The following IFFO1 variants were observed in gnomAD, a reference collection of about 807,000 sequenced individuals.
IFFO1 encodes non-homologous end joining factor IFFO1.
A neutral mutation model predicts 59.6 loss-of-function variants in IFFO1; 42 were observed. The ratio of observed to expected loss-of-function variants is 0.70; its 90% confidence interval spans 0.55 to 0.91. The LOEUF is 0.91. Ranked by LOEUF, IFFO1 falls within the 40% of genes least tolerant of loss-of-function variation. The probability of loss-of-function intolerance (pLI) is 0.00; values close to 1 mark genes in which losing one functional copy is unlikely to be tolerated. For missense variants in IFFO1, 711 were observed against 793.2 expected, an observed-to-expected ratio of 0.90 and a Z score of 1.24; for synonymous variants, 336 against 342.8, an observed-to-expected ratio of 0.98 and a Z score of 0.22.
intron 3 of IFFO1, chr12:6,550,423 G>A (rs1449253054): frequency 1.2e-5 from 6 of 519,652 alleles, no homozygotes; most frequent in African/African-American, 5.7e-5. Flanking sequence ...GCGCCCCGGC[G>A]CCAGCTGCAG....
At chr12:6,544,973 G>A (rs1946884392) in intron 8 of IFFO1, 1 of 152,212 alleles carries the variant, frequency 6.6e-6, no homozygotes, top group Admixed American at 6.5e-5. Context: ...CCAGCACTTT[G>A]GAAGGCCGAG....
chr12:6,548,807 GCCC>G lies in IFFO1; in HGVS notation c.1120_1122del (p.Gly374del), dbSNP rs750779916. On this transcript the variant is annotated inframe_deletion, in exon 6 of 10. Coordinates refer to ENST00000619571, the MANE Select transcript of IFFO1 (RefSeq NM_001193457.2). This position sits in a 1 kb window ranked among gnomAD's most constrained non-coding sequence, Gnocchi z 6.1. ...ACGGCAGCCTTGCGCTCCCGCTTCC[GCCC>G]CCCCATGGATGGGACCTTAATGGGA... 1 of 1,612,716 alleles carries G rather than the reference GCCC, an allele frequency of 6.2e-7. No homozygotes were observed. Among genetic ancestry groups the G allele is most frequent in the African/African-American group, 1.3e-5 (1 of 74,860 alleles).
intron 8 of IFFO1, among the ~76,000 whole-genome samples, chr12:6,547,658 G>A (rs1286259580): frequency 1.3e-5 from 2 of 150,448 alleles, no homozygotes; most frequent in Non-Finnish European, 3.0e-5. Flanking sequence ...GCAACAGAGT[G>A]AAACAGAGTG....
At chr12:6,545,608 G>A (rs1946917321) in intron 8 of IFFO1, among the ~76,000 whole-genome samples, 1 of 151,316 alleles carries the variant, frequency 6.6e-6, no homozygotes, top group Admixed American at 6.6e-5. Flanking sequence ...TGAGGCAGGA[G>A]AATGGCGTGA....
intron 8 of IFFO1, among the ~76,000 whole-genome samples, chr12:6,546,778 C>T (rs1170637420): frequency 6.6e-6 from 1 of 152,244 alleles, no homozygotes; most frequent in Non-Finnish European, 1.5e-5. Context: ...CGTGAGCCAC[C>T]GCGCCCGGCC....
At chr12:6,544,537 T>C (rs1199315920) in intron 8 of IFFO1, among the ~76,000 whole-genome samples, 1 of 152,226 alleles carries the variant, frequency 6.6e-6, no homozygotes, top group African/African-American at 2.4e-5. Context: ...TGTTTTACAC[T>C]GGGCACTTGA....
chr12:6,548,014 A>T lies in IFFO1; in HGVS notation c.1479+51T>A. ...ATGAGGCCACTGCGCCTGCAGCCCC[A>T]CTCAAAACCCTCTGGGACACCACGC... On this transcript the variant is annotated intron_variant, in intron 8 of 9. Transcript: ENST00000619571. This position sits in a 1 kb window ranked among gnomAD's most constrained non-coding sequence, Gnocchi z 6.1. 1 of 1,398,410 alleles carries T rather than the reference A, an allele frequency of 7.2e-7. No homozygotes were observed. The highest frequency in any genetic ancestry group is 2.3e-5 in the East Asian group (1 of 43,868). 86.6% of individuals were successfully genotyped at this position (1,398,410 alleles called of 1,614,324 possible).
At position 6,541,375 on chromosome 12, in the gene IFFO1, C is replaced by A; in HGVS notation, c.1610+137G>T. The A allele has an allele frequency of 8.9e-7, 1 of 1,121,504 alleles. No homozygotes were observed. The highest frequency in any genetic ancestry group is 2.5e-5 in the East Asian group (1 of 40,006). 69.5% of individuals were successfully genotyped at this position (1,121,504 alleles called of 1,614,324 possible). On this transcript the variant is annotated intron_variant, in intron 9 of 9. Coordinates refer to ENST00000619571, the MANE Select transcript of IFFO1 (RefSeq NM_001193457.2). This position sits in a 1 kb window ranked among gnomAD's most constrained non-coding sequence, Gnocchi z 4.8. Reference sequence around the variant, plus strand: ...AGAGAGCTGTGGGTCTGGGCCAGCCCCACCAGGTAACTCCCAAAGGGCAGC... The same window carrying A: ...AGAGAGCTGTGGGTCTGGGCCAGCCACACCAGGTAACTCCCAAAGGGCAGC...
chr12:6,550,866 G>A lies in IFFO1; in HGVS notation c.834+75C>T, dbSNP rs867564741. On this transcript the variant is annotated intron_variant, in intron 2 of 9. Coordinates refer to ENST00000619571, the MANE Select transcript of IFFO1 (RefSeq NM_001193457.2). ...AGATAAAGATGCCAAGGAGGGACAG[G>A]GAGACGGCAGCAGGGTCATGGGCAG... The A allele has an allele frequency of 2.2e-5, 36 of 1,602,644 alleles. No homozygotes were observed. In the African/African-American group the frequency reaches 4.3e-4, roughly 19 times the overall value.
intron 8 of IFFO1, among the ~76,000 whole-genome samples, chr12:6,547,596 C>G (rs772612986): frequency 6.6e-6 from 1 of 152,004 alleles, no homozygotes; most frequent in Non-Finnish European, 1.5e-5. Context: ...TGGCACACAC[C>G]TGTGGGCCCA....
intron 8 of IFFO1, among the ~76,000 whole-genome samples, chr12:6,547,629 G>C (rs1947023670): frequency 1.3e-5 from 2 of 151,924 alleles, no homozygotes; most frequent in African/African-American, 4.8e-5. Context: ...GCTGGGGTGG[G>C]AGGATCACTC....
downstream of IFFO1, chr12:6,538,967 T>C (rs1045395617): frequency 6.6e-6 from 1 of 152,234 alleles, no homozygotes; most frequent in African/African-American, 2.4e-5. Flanking sequence ...CCACCTCGCA[T>C]AGTTTTGAGG....
rs1179446037 is a variant in IFFO1, at chr12:6,555,152, T to C, written c.773+105A>G. 7 of 1,157,782 alleles carry C rather than the reference T, an allele frequency of 6.0e-6. No individual in the cohort carries two copies. Among genetic ancestry groups the C allele is most frequent in the Non-Finnish European group, 9.1e-6 (7 of 769,166 alleles). The allele number at this position is 1,157,782 out of a possible 1,614,324, so 71.7% of individuals were successfully genotyped here. On this transcript the variant is annotated intron_variant, in intron 1 of 9. Coordinates refer to ENST00000619571, the MANE Select transcript of IFFO1 (RefSeq NM_001193457.2). This position sits in a 1 kb window ranked among gnomAD's most constrained non-coding sequence, Gnocchi z 8.6. ...GCTCCTCATTACACAGCACAAACTT[T>C]ACTCTCATTCTTTTCACCCCTGATT...
In IFFO1 at chr12:6,551,690, T is replaced by A; in HGVS notation, c.774-689A>T. 8.0e-6 allele frequency: 3 copies of A among 376,292 alleles called. No individual in the cohort carries two copies. In the East Asian group the frequency reaches 2.2e-4, roughly 27 times the overall value. The allele number at this position is 376,292 out of a possible 1,614,324, so 23.3% of individuals were successfully genotyped here. A position where few individuals can be genotyped will look rare whatever the true frequency, so the allele number is the denominator to read the frequency against. The stretch of plus-strand genomic sequence containing the variant: ...CATGACAGCAGTGGACACACGAGCC[T>A]GGGGTTACTAGCACTCAAACCCAGA... On this transcript the variant is annotated intron_variant, in intron 1 of 9. Coordinates refer to ENST00000619571, the MANE Select transcript of IFFO1 (RefSeq NM_001193457.2).
chr12:6,545,570 C>T (rs1193595867), intron 8 of IFFO1, among the ~76,000 whole-genome samples: 2 of 151,864 alleles, frequency 1.3e-5, no homozygotes, highest in African/African-American at 2.4e-5. Flanking sequence ...TGATGGCGGG[C>T]GCCTGTAGTC....
At chr12:6,547,779 AGAAAG>A (rs200410481) in intron 8 of IFFO1, among the ~76,000 whole-genome samples, 1,950 of 151,444 alleles carry the variant, frequency 0.013, 16 homozygotes, top group Middle Eastern at 0.02. Flanking sequence ...AAGGAAGGAA[AGAAAG>A]GAAAGGAAAG....
intron 1 of IFFO1, among the ~76,000 whole-genome samples, chr12:6,554,257 C>T (rs1368928856): frequency 1.3e-5 from 2 of 152,146 alleles, no homozygotes; most frequent in East Asian, 3.8e-4. Flanking sequence ...CAGGCCCGCC[C>T]ACAAGGGGTC....
chr12:6,540,732 G>C, intron 9 of IFFO1, 144 bp from the exon 10 acceptor site: 1 of 715,486 alleles, frequency 1.4e-6, no homozygotes, highest in East Asian at 2.7e-5. Flanking sequence ...CGAGGGAGCG[G>C]CAGGGACTGA....
Position 6,540,147 on chromosome 12 carries a change from C to T in IFFO1, c.*336G>A. On this transcript the variant is annotated 3_prime_UTR_variant, in exon 10 of 10. Transcript: ENST00000619571. ...CAACAGGGATGGAGGAAAGGTCCCA[C>T]ATTCACATTCCTGATACGTGGACAA... 4.9e-6 allele frequency: 2 copies of T among 408,898 alleles called. No homozygotes were observed. Among genetic ancestry groups the T allele is most frequent in the Non-Finnish European group, 9.0e-6 (2 of 222,290 alleles). 25.3% of individuals were successfully genotyped at this position (408,898 alleles called of 1,614,324 possible). A position where few individuals can be genotyped will look rare whatever the true frequency, so the allele number is the denominator to read the frequency against.
Sources: allele counts gnomAD v4.1 joint callset (sites outside exome capture counted in the v4.1 genomes callset), GRCh38; gene constraint gnomAD v4.1.1; non-coding constraint Gnocchi (gnomAD v3.1); transcripts MANE v1.5; gene names NCBI Gene and HGNC (gene_info 2026-07-23, HGNC 2026-07-21).